Variants in PTPRE observed in about 807,000 individuals in gnomAD.
The protein encoded by PTPRE is protein tyrosine phosphatase receptor type E.
Under a neutral mutation model 102.0 loss-of-function variants are expected in PTPRE, and 51 were observed. That is an observed-to-expected ratio of 0.50 (90% CI 0.40 to 0.63). The LOEUF is 0.63. Ranked by LOEUF, PTPRE falls within the 30% of genes least tolerant of loss-of-function variation. The pLI is 0.00. For missense variants in PTPRE, 752 were observed against 915.1 expected (o/e 0.82, Z 2.30); for synonymous variants, 345 against 348.2 (o/e 0.99, Z 0.10).
At chr10:128,059,549 G>A (rs934117956) in intron 7 of PTPRE, among the ~76,000 whole-genome samples, 7 of 152,142 alleles carry the variant, frequency 4.6e-5, no homozygotes, top group African/African-American at 1.7e-4. Flanking sequence ...AGAAAGCAGG[G>A]AGAGGACCTA....
At chr10:128,025,698 G>A (rs1264898053) in intron 2 of PTPRE, among the ~76,000 whole-genome samples, 3 of 152,094 alleles carry the variant, frequency 2.0e-5, no homozygotes, top group East Asian at 1.9e-4. Context: ...CACTGGATTC[G>A]GGTCTGAGGG....
intron 2 of PTPRE, among the ~76,000 whole-genome samples, chr10:128,029,012 G>A (rs1273830386): frequency 1.3e-5 from 2 of 152,180 alleles, no homozygotes; most frequent in Non-Finnish European, 2.9e-5. Flanking sequence ...CACATGCCCC[G>A]TCCTGTGGTT....
intron 10 of PTPRE, among the ~76,000 whole-genome samples, chr10:128,064,355 T>TTTGCCCTTGCAAATC (rs1403379323): frequency 3.3e-5 from 5 of 152,236 alleles, no homozygotes; most frequent in Admixed American, 3.3e-4. Flanking sequence ...GGGCCACCCC[T>TTTGCCCTTGCAAATC]TTGCCCTTGC....
intron 1 of PTPRE, among the ~76,000 whole-genome samples, chr10:127,911,060 T>C (rs1208814525): frequency 6.6e-6 from 1 of 152,038 alleles, no homozygotes; most frequent in East Asian, 1.9e-4. Context: ...CCAGCCTGGT[T>C]GACAGAGAAA....
At chr10:128,077,831 A>C (rs1028459707) in intron 19 of PTPRE, 48 bp downstream of exon 19, 8 of 1,535,840 alleles carry the variant, frequency 5.2e-6, no homozygotes, top group East Asian at 4.7e-5. Flanking sequence ...CACAGGCTGC[A>C]CCCCCCCAGT....
At position 127,941,151 on chromosome 10, in the gene PTPRE, T is replaced by G. The variant is rs1336487861; in HGVS notation, c.-31+33842T>G. 2.6e-5 allele frequency among the ~76,000 whole-genome samples: 4 copies of G among 151,708 alleles called. No individual in the cohort carries two copies. The East Asian group carries it at 7.7e-4, about 29-fold the overall frequency. ...TGAGTCTTCCCTGCCTGGTGGGAGG[T>G]GGAGGCCCTGTGGCATCTGAGGTCA... On this transcript the variant is annotated intron_variant, in intron 1 of 20. Coordinates refer to ENST00000254667, the MANE Select transcript of PTPRE (RefSeq NM_006504.6).
In PTPRE at chr10:127,991,068, A is replaced by G. The variant is rs556494314; in HGVS notation, c.-8+8772A>G. 2.0e-5 allele frequency among the ~76,000 whole-genome samples: 3 copies of G among 152,276 alleles called. No homozygotes were observed. The East Asian group carries it at 5.8e-4, about 29-fold the overall frequency. On this transcript the variant is annotated intron_variant, in intron 2 of 20. Coordinates refer to ENST00000254667, the MANE Select transcript of PTPRE (RefSeq NM_006504.6). ...AAGTGATTCACTGGGAAGGTGAACC[A>G]CTTCATCTCGTCAGAAACCATGGAA...
chr10:128,026,722 C>A (rs1254692513), intron 2 of PTPRE, among the ~76,000 whole-genome samples: 1 of 152,260 alleles, frequency 6.6e-6, no homozygotes, highest in African/African-American at 2.4e-5. Flanking sequence ...CCTTCACCAA[C>A]TGAGATAAAA....
Position 128,070,871 on chromosome 10 carries a change from A to G in PTPRE, c.1357A>G (p.Lys453Glu). The G allele has an allele frequency of 1.2e-6, 2 of 1,614,160 alleles. No individual in the cohort carries two copies. Among genetic ancestry groups the G allele is most frequent in the Non-Finnish European group, 1.7e-6 (2 of 1,179,980 alleles). Residue 453 changes from lysine (K) to glutamate (E), a missense_variant, in exon 15 of 21, where the codon AAG (lysine) becomes GAG (glutamate). Around this residue, in one of 2 missense-constraint regions of PTPRE, gnomAD observed 636 missense variants for 824.4 expected, o/e 0.77. Transcript: ENST00000254667. The surrounding 1 kb of genome is among the most constrained non-coding windows in gnomAD (Gnocchi z 4.8). ...GACGGGCAACTTGCCGGCAAACATGAAGAAGGCCAGGGTCATCCAGATCAT... is the reference window on the plus strand; with the variant it reads ...GACGGGCAACTTGCCGGCAAACATGGAGAAGGCCAGGGTCATCCAGATCAT... ...MRTGNLPANMKKARVIQIIPY... is the reference protein window; with the variant it reads ...MRTGNLPANMEKARVIQIIPY...
intron 2 of PTPRE, among the ~76,000 whole-genome samples, chr10:128,039,791 G>T (rs908131693): frequency 6.7e-6 from 1 of 150,056 alleles, no homozygotes; most frequent in Non-Finnish European, 1.5e-5. Flanking sequence ...GGTGGGGAGT[G>T]GGGGGGCCAC....
In PTPRE at chr10:127,966,578, G is replaced by T. The variant is rs183104711; in HGVS notation, c.-30-15696G>T. The stretch of plus-strand genomic sequence containing the variant: ...AGCCAGGGACTGAGGGGTTTGCTGG[G>T]ATGGGGGATTTTAGTTTTAAAACAG... On this transcript the variant is annotated intron_variant, in intron 1 of 20. Coordinates refer to ENST00000254667, the MANE Select transcript of PTPRE (RefSeq NM_006504.6). Among the ~76,000 whole-genome samples, 8 of 152,272 alleles carry T rather than the reference G, an allele frequency of 5.3e-5. No individual in the cohort carries two copies. The East Asian group carries it at 1.5e-3, about 29-fold the overall frequency.
rs1848441923 is a variant in PTPRE, at chr10:127,944,079, G to A, written c.-31+36770G>A. On this transcript the variant is annotated intron_variant, in intron 1 of 20. Coordinates refer to ENST00000254667, the MANE Select transcript of PTPRE (RefSeq NM_006504.6). The surrounding 1 kb of genome is among the most constrained non-coding windows in gnomAD (Gnocchi z 4.2). ...TTGCTCCTGTCAGGGATGTGAGTCAGCCAATGGCCAAGCTTTGACTTTCGG... is the reference window on the plus strand; with the variant it reads ...TTGCTCCTGTCAGGGATGTGAGTCAACCAATGGCCAAGCTTTGACTTTCGG... 6.6e-6 allele frequency among the ~76,000 whole-genome samples: 1 copy of A among 152,196 alleles called. No homozygotes were observed. Among genetic ancestry groups the A allele is most frequent in the Admixed American group, 6.5e-5 (1 of 15,282 alleles).
chr10:127,999,882 T>C (rs1464602908), intron 2 of PTPRE: 2 of 985,274 alleles, frequency 2.0e-6, no homozygotes, highest in Middle Eastern at 5.2e-4. Flanking sequence ...GTTCAAATTA[T>C]CAGCCCAGGA....
At chr10:128,054,144 C>T (rs1848767191) in intron 6 of PTPRE, among the ~76,000 whole-genome samples, 1 of 152,102 alleles carries the variant, frequency 6.6e-6, no homozygotes, top group South Asian at 2.1e-4. Context: ...TCCCATATGC[C>T]CCCTTCCTCC....
intron 5 of PTPRE, among the ~76,000 whole-genome samples, chr10:128,049,044 G>A (rs1284275242): frequency 6.6e-6 from 1 of 152,262 alleles, no homozygotes; most frequent in Non-Finnish European, 1.5e-5. Context: ...TTTTCCCTTG[G>A]AGCTTATGGG....
chr10:127,925,959 T>G (rs1846978486), intron 1 of PTPRE, among the ~76,000 whole-genome samples: 1 of 152,254 alleles, frequency 6.6e-6, no homozygotes, highest in Non-Finnish European at 1.5e-5. Flanking sequence ...AGTATTAACA[T>G]ACTCCTGAAA....
At chr10:128,066,979 CA>C (rs1424149837) in intron 11 of PTPRE, among the ~76,000 whole-genome samples, 1 of 139,956 alleles carries the variant, frequency 7.1e-6, no homozygotes, top group African/African-American at 2.5e-5. Context: ...CATGCACACA[CA>C]CCCACACACA....
chr10:128,055,700 G>C (rs116149218), intron 6 of PTPRE, among the ~76,000 whole-genome samples: 5 of 152,094 alleles, frequency 3.3e-5, no homozygotes, highest in Admixed American at 2.6e-4. Context: ...ACAGCATCCC[G>C]CTGTAAACCC....
intron 1 of PTPRE, among the ~76,000 whole-genome samples, chr10:127,980,118 G>A (rs1166515799): frequency 6.6e-6 from 1 of 152,108 alleles, no homozygotes; most frequent in Non-Finnish European, 1.5e-5. Flanking sequence ...TGATCCTCAA[G>A]TAATCATTTC....
Sources: allele counts gnomAD v4.1 joint callset (sites outside exome capture counted in the v4.1 genomes callset), GRCh38; gene constraint gnomAD v4.1.1; regional missense constraint gnomAD v4.1.1; non-coding constraint Gnocchi (gnomAD v3.1); transcripts MANE v1.5; gene names NCBI Gene and HGNC (gene_info 2026-07-23, HGNC 2026-07-21).